Variants in GGNBP2 observed in about 807,000 individuals in gnomAD.
GGNBP2 encodes the protein gametogenetin binding protein 2, also known as gametogenetin-binding protein 2.
A neutral mutation model predicts 85.9 loss-of-function variants in GGNBP2; 10 were observed. The observed-to-expected ratio is 0.12, with a 90% CI of 0.07 to 0.20. The LOEUF is 0.20. Among genes scored for constraint, GGNBP2 ranks in the 10% least tolerant of loss-of-function variants. GGNBP2 has a pLI of 1.00. For missense variants in GGNBP2, 595 were observed against 857.8 expected (o/e 0.69, Z 3.83); for synonymous variants, 287 against 285.7 (o/e 1.00, Z -0.05).
At chr17:36,546,079 C>T in intron 2 of GGNBP2, 1 of 448,260 alleles carries the variant, frequency 2.2e-6, no homozygotes, top group Non-Finnish European at 4.0e-6. Flanking sequence ...GACCCTTTCC[C>T]TTTAGGAGAC....
Position 36,560,886 on chromosome 17 carries a change from A to G in GGNBP2, c.527+15A>G. The G allele has an allele frequency of 1.6e-6, 2 of 1,273,194 alleles. No homozygotes were observed. The highest frequency in any genetic ancestry group is 2.2e-6 in the Non-Finnish European group (2 of 893,206). 78.9% of individuals were successfully genotyped at this position (1,273,194 alleles called of 1,614,324 possible). A position where few individuals can be genotyped will look rare whatever the true frequency, so the allele number is the denominator to read the frequency against. On this transcript the variant is annotated intron_variant, in intron 5 of 13. Transcript: ENST00000613102. The stretch of plus-strand genomic sequence containing the variant: ...AAACCTTTGGGGTAAGTAGAATTGA[A>G]TACCAAGAGGCTTTGTCATTGTTAA...
rs1008991367 is a variant in GGNBP2 at position 36,585,159 on chromosome 17, T to G, written c.1216-141T>G. The stretch of plus-strand genomic sequence containing the variant: ...GACTAATATCTTTACCCACCATTAC[T>G]TTTGTACTGTCAGTGTAAATGTCAG... On this transcript the variant is annotated intron_variant, in intron 9 of 13. Coordinates refer to ENST00000613102, the MANE Select transcript of GGNBP2 (RefSeq NM_024835.5). The G allele has an allele frequency of 4.5e-6, 3 of 668,922 alleles. No individual in the cohort carries two copies. In the Admixed American group the frequency reaches 9.6e-5, roughly 21 times the overall value. The allele number at this position is 668,922 out of a possible 1,614,324, so 41.4% of individuals were successfully genotyped here.
chr17:36,567,820 T>C (rs770143606), intron 6 of GGNBP2, 44 bp downstream of exon 6: 5 of 1,010,936 alleles, frequency 4.9e-6, no homozygotes, highest in Admixed American at 3.6e-5. Context: ...AGGTGCCTTA[T>C]GTGTCAGTCA....
At chr17:36,565,451 CT>C (rs955771192) in intron 5 of GGNBP2, among the ~76,000 whole-genome samples, 6 of 150,746 alleles carry the variant, frequency 4.0e-5, no homozygotes, top group Non-Finnish European at 5.9e-5. Context: ...TTTTATAGAG[CT>C]TTTTTTTAAA....
intron 5 of GGNBP2, among the ~76,000 whole-genome samples, chr17:36,561,096 A>T (rs2074412438): frequency 6.6e-6 from 1 of 151,892 alleles, no homozygotes; most frequent in African/African-American, 2.4e-5. Context: ...TATGTTAAAT[A>T]TGTTTTAGAG....
chr17:36,557,274 G>C lies in GGNBP2; in HGVS notation c.366G>C (p.Leu122=). The C allele has an allele frequency of 6.2e-7, 1 of 1,613,998 alleles. No individual in the cohort carries two copies. Among genetic ancestry groups the C allele is most frequent in the Non-Finnish European group, 8.5e-7 (1 of 1,179,902 alleles). ...TAACAGTAGGGCCCAAGGGAGTCCT[G>C]TCTGTAACTAGAAGCTGCATGACTG... is the stretch of plus-strand genomic sequence containing the variant. ...EPLTVGPKGV[L]SVTRSCMTDA... The change falls in exon 4 of 14, where the codon CTG becomes CTC. Residue 122 remains leucine, a synonymous_variant. Coordinates refer to ENST00000613102, the MANE Select transcript of GGNBP2 (RefSeq NM_024835.5).
chr17:36,567,241 G>A (rs914831716), intron 5 of GGNBP2, among the ~76,000 whole-genome samples: 1 of 152,046 alleles, frequency 6.6e-6, no homozygotes, highest in Non-Finnish European at 1.5e-5. Context: ...AGATAAACTT[G>A]ATAGTCAAGC....
At chr17:36,551,568 G>A (rs1303797322) in intron 2 of GGNBP2, among the ~76,000 whole-genome samples, 1 of 151,910 alleles carries the variant, frequency 6.6e-6, no homozygotes, top group Admixed American at 6.6e-5. Context: ...TTTAGGCTGG[G>A]CGCGGTGGCT....
At chr17:36,586,324 A>G (rs2074701415) in intron 12 of GGNBP2, 126 bp downstream of exon 12, 3 of 1,193,480 alleles carry the variant, frequency 2.5e-6, no homozygotes, top group Admixed American at 5.5e-5. Flanking sequence ...TTCTTTATGC[A>G]GTTCCATTGG....
rs772546145 is a variant in GGNBP2, at chr17:36,560,761, A to T, written c.429-12A>T. On this transcript the variant is annotated splice_polypyrimidine_tract_variant and intron_variant, in intron 4 of 13. Coordinates refer to ENST00000613102, the MANE Select transcript of GGNBP2 (RefSeq NM_024835.5). ...ATGAATTAAACCCTTAATATGTTTT[A>T]TTTTTAATTAGGTCCAAACTAAATG... is the stretch of plus-strand genomic sequence containing the variant. The T allele has an allele frequency of 1.5e-6, 2 of 1,371,550 alleles. No individual in the cohort carries two copies. The highest frequency in any genetic ancestry group is 2.5e-5 in the South Asian group (2 of 79,682). The allele number at this position is 1,371,550 out of a possible 1,614,324, so 85.0% of individuals were successfully genotyped here.
rs1278183921 is a variant in GGNBP2 at position 36,566,510 on chromosome 17, CAAAAAATA to C, written c.528-1140_528-1133del. On this transcript the variant is annotated intron_variant, in intron 5 of 13. Transcript: ENST00000613102. ...CCCTGCTGTCTCTACTTAAAAAATA[CAAAAAATA>C]AAAAAATAAAAATAACCTGGTGTGG... Among the ~76,000 whole-genome samples, 5 of 151,466 alleles carry C rather than the reference CAAAAAATA, an allele frequency of 3.3e-5. No individual in the cohort carries two copies. The East Asian group carries it at 9.8e-4, about 30-fold the overall frequency.
chr17:36,559,979 C>T (rs1051654699), intron 4 of GGNBP2, among the ~76,000 whole-genome samples: 12 of 152,054 alleles, frequency 7.9e-5, no homozygotes, highest in Non-Finnish European at 1.6e-4. Flanking sequence ...GGATTACAGG[C>T]GTGCACCACC....
chr17:36,554,736 A>G (rs760246406), intron 2 of GGNBP2, 84 bp from the exon 3 acceptor site: 1 of 922,714 alleles, frequency 1.1e-6, no homozygotes, highest in East Asian at 2.4e-5. Flanking sequence ...TCTGGCTTTC[A>G]CGGGTCTATT....
Position 36,587,204 on chromosome 17 carries a change from C to T in GGNBP2, c.1849C>T (p.Pro617Ser). The T allele has an allele frequency of 2.5e-6, 4 of 1,614,092 alleles. No individual in the cohort carries two copies. Among genetic ancestry groups the T allele is most frequent in the Non-Finnish European group, 2.5e-6 (3 of 1,180,012 alleles). ...FAEPTETLFG[P>S]DSGKGAKSLV... is the part of the protein sequence containing the mutation. ...AGAACCTACAGAAACGTTGTTTGGT[C>T]CCGATTCCGGAAAAGGTGCCAAGAG... Residue 617 changes from proline to serine, a missense_variant, in exon 13 of 14, where the codon CCC (proline) becomes TCC (serine). Physicochemically the swap from Pro to Ser is moderately conservative, Grantham distance 74. This residue lies in a region of GGNBP2 where 120 missense variants were observed against 126.3 expected (regional missense o/e 0.95). Transcript: ENST00000613102.
In GGNBP2 at chr17:36,557,200, C is replaced by T. The variant is rs2074370950; in HGVS notation, c.292C>T (p.Arg98Cys). ...PCVGCRRSVE[R>C]LFSQLVESGN... ...TGTTGGTTGTCGTCGCAGTGTGGAG[C>T]GTCTCTTTTCCCAGCTTGTAGAGTC... The change falls in exon 4 of 14, where the codon CGT becomes TGT. Residue 98 changes from arginine to cysteine, a missense_variant. Coordinates refer to ENST00000613102, the MANE Select transcript of GGNBP2 (RefSeq NM_024835.5). 1.2e-6 allele frequency: 2 copies of T among 1,614,134 alleles called. No homozygotes were observed. Among genetic ancestry groups the T allele is most frequent in the South Asian group, 1.1e-5 (1 of 91,086 alleles).
intron 8 of GGNBP2, among the ~76,000 whole-genome samples, chr17:36,580,696 G>C (rs2074639718): frequency 6.6e-6 from 1 of 151,864 alleles, no homozygotes; most frequent in African/African-American, 2.4e-5. Context: ...AAGGTGGGCG[G>C]ATCACTTGAG....
At chr17:36,581,760 C>T (rs998687689) in intron 9 of GGNBP2, 8 of 304,004 alleles carry the variant, frequency 2.6e-5, no homozygotes, top group Non-Finnish European at 4.1e-5. Flanking sequence ...AAAGTACAGT[C>T]GTCCCTTGGT....
At chr17:36,567,303 A>G (rs991699892) in intron 5 of GGNBP2, among the ~76,000 whole-genome samples, 4 of 152,186 alleles carry the variant, frequency 2.6e-5, no homozygotes, top group African/African-American at 9.6e-5. Context: ...CGTTATATTA[A>G]TATAAAGTGA....
intron 5 of GGNBP2, among the ~76,000 whole-genome samples, chr17:36,565,726 T>A (rs968753004): frequency 6.6e-6 from 1 of 152,106 alleles, no homozygotes; most frequent in African/African-American, 2.4e-5. Flanking sequence ...CGAAACCCCG[T>A]CTCTACTAAA....
Sources: allele counts gnomAD v4.1 joint callset (sites outside exome capture counted in the v4.1 genomes callset), GRCh38; gene constraint gnomAD v4.1.1; regional missense constraint gnomAD v4.1.1; transcripts MANE v1.5; gene names NCBI Gene and HGNC (gene_info 2026-07-23, HGNC 2026-07-21).